The following ZNF800 variants were observed in gnomAD, a reference collection of about 807,000 sequenced individuals.
The protein encoded by ZNF800 is zinc finger protein 800.
Under a neutral mutation model 59.5 loss-of-function variants are expected in ZNF800, and 13 were observed. That is an observed-to-expected ratio of 0.22 (90% CI 0.14 to 0.35). The LOEUF (loss-of-function observed/expected upper bound fraction) is 0.35. Ranked by LOEUF, ZNF800 falls within the 10% of genes least tolerant of loss-of-function variation. The pLI, the probability that ZNF800 is intolerant of heterozygous loss-of-function variation, is 1.00. For missense variants in ZNF800, 621 were observed against 783.7 expected (o/e 0.79, Z 2.48); for synonymous variants, 266 against 265.7 (o/e 1.00, Z -0.01).
intron 1 of ZNF800, among the ~76,000 whole-genome samples, chr7:127,348,380 G>C (rs1280262582): frequency 6.7e-6 from 1 of 149,076 alleles, no homozygotes; most frequent in African/African-American, 2.5e-5. Flanking sequence ...TTCATACAGG[G>C]TGTTCAGTGC....
intron 3 of ZNF800, among the ~76,000 whole-genome samples, chr7:127,381,735 A>T (rs922152529): frequency 4.0e-5 from 6 of 151,874 alleles, no homozygotes; most frequent in African/African-American, 1.5e-4. Flanking sequence ...TTTTCTTATA[A>T]AAAAAAGTCC....
At chr7:127,373,315 A>G (rs756812736) in intron 5 of ZNF800, 27 bp downstream of exon 5, 2 of 1,538,740 alleles carry the variant, frequency 1.3e-6, no homozygotes, top group East Asian at 2.3e-5. Context: ...GGGGGAAAAA[A>G]GCAAAACTCT....
chr7:127,368,308 T>C (rs1042733686), downstream of ZNF800, among the ~76,000 whole-genome samples: 6 of 152,148 alleles, frequency 3.9e-5, no homozygotes, highest in South Asian at 2.1e-4. Flanking sequence ...AGAACAGCTA[T>C]TCCTGAAATT....
intron 1 of ZNF800, among the ~76,000 whole-genome samples, chr7:127,356,782 T>G (rs1562896614): frequency 6.6e-6 from 1 of 151,810 alleles, no homozygotes; most frequent in Admixed American, 6.6e-5. Context: ...TGTGTGTGTG[T>G]TTTTTTTACT....
intron 1 of ZNF800, among the ~76,000 whole-genome samples, chr7:127,357,167 C>T (rs537873093): frequency 6.6e-6 from 1 of 151,928 alleles, no homozygotes; most frequent in African/African-American, 2.4e-5. Context: ...TTTAAGGAGA[C>T]ACAAATTTCC....
At chr7:127,356,020 G>A (rs1360992673) in intron 1 of ZNF800, among the ~76,000 whole-genome samples, 1 of 151,966 alleles carries the variant, frequency 6.6e-6, no homozygotes. Flanking sequence ...ATCAAGAGGT[G>A]CCAGTTTTAC....
intron 2 of ZNF800, among the ~76,000 whole-genome samples, chr7:127,390,658 T>C (rs1051618146): frequency 6.6e-6 from 1 of 152,174 alleles, no homozygotes; most frequent in African/African-American, 2.4e-5. Flanking sequence ...TCAAAAATAA[T>C]GATAAACATC....
Position 127,374,306 on chromosome 7 carries a change from G to A in ZNF800, c.1030C>T (p.Arg344Ter). 1 of 1,613,092 alleles carries A rather than the reference G, an allele frequency of 6.2e-7. No homozygotes were observed. The highest frequency in any genetic ancestry group is 8.5e-7 in the Non-Finnish European group (1 of 1,179,766). ...GCCTTTGAAGAAGACTTTTGTTTTC[G>A]AGTCTTAAAAGATTTTTTAGGAGAA... ...SISPKKSFKT[R>*]KQKSSSKAEY... is the part of the protein sequence containing the mutation. The change falls in exon 5 of 6, where the codon CGA becomes TGA. Residue 344 changes from arginine to a stop codon, truncating the protein, a stop_gained. Coordinates refer to ENST00000265827, the MANE Select transcript of ZNF800 (RefSeq NM_176814.5). LOFTEE classifies it high-confidence loss of function.
chr7:127,342,939 AAGT>A (rs553703087), downstream of ZNF800, among the ~76,000 whole-genome samples: 4 of 152,262 alleles, frequency 2.6e-5, no homozygotes, highest in African/African-American at 9.6e-5. Flanking sequence ...ATTAAAAAGA[AAGT>A]AGGATTAACA....
At position 127,377,629 on chromosome 7, in the gene ZNF800, A is replaced by G. The variant is rs1239939552; in HGVS notation, c.158-300T>C. On this transcript the variant is annotated intron_variant, in intron 3 of 5. Transcript: ENST00000265827. This position sits in a 1 kb window ranked among gnomAD's most constrained non-coding sequence, Gnocchi z 4.7. ...TTCCGACATGAGGTTAATCATTACA[A>G]TGAGCTGGGAATAAAGATGTACACA... 1.3e-5 allele frequency among the ~76,000 whole-genome samples: 2 copies of G among 151,998 alleles called. No homozygotes were observed. The highest frequency in any genetic ancestry group is 4.8e-5 in the African/African-American group (2 of 41,412).
intron 3 of ZNF800, among the ~76,000 whole-genome samples, chr7:127,383,225 G>A (rs1483320473): frequency 6.6e-6 from 1 of 152,148 alleles, no homozygotes; most frequent in South Asian, 2.1e-4. Context: ...ATTAATACCT[G>A]GTCATAGACA....
At chr7:127,383,617 T>G (rs1801038688) in intron 3 of ZNF800, among the ~76,000 whole-genome samples, 1 of 152,156 alleles carries the variant, frequency 6.6e-6, no homozygotes, top group Non-Finnish European at 1.5e-5. Context: ...CTCCCAAGGT[T>G]TTAGTCAGTC....
At chr7:127,363,245 T>C (rs906315570) in intron 1 of ZNF800, 2 of 151,986 alleles carry the variant, frequency 1.3e-5, no homozygotes, top group African/African-American at 4.8e-5. Context: ...GGTCTTATAA[T>C]AAGGAGAACA....
chr7:127,379,465 AC>A (rs1800890103), intron 3 of ZNF800, among the ~76,000 whole-genome samples: 2 of 152,326 alleles, frequency 1.3e-5, no homozygotes, highest in African/African-American at 4.8e-5. Flanking sequence ...GAAGAGGAAC[AC>A]CAAAATAATG....
intron 1 of ZNF800, among the ~76,000 whole-genome samples, chr7:127,354,728 A>C (rs17869260): frequency 0.031 from 4,642 of 152,166 alleles, 213 homozygotes; most frequent in African/African-American, 0.099. Flanking sequence ...TCTTTAAGAG[A>C]TAGCTGGCTT....
At position 127,371,653 on chromosome 7, in the gene ZNF800, T is replaced by A; in HGVS notation, c.*161A>T. 1.9e-6 allele frequency: 1 copy of A among 519,958 alleles called. No individual in the cohort carries two copies. The highest frequency in any genetic ancestry group is 3.5e-6 in the Non-Finnish European group (1 of 288,652). 32.2% of individuals were successfully genotyped at this position (519,958 alleles called of 1,614,324 possible). Reference sequence around the variant, plus strand: ...GCCTTAGAAACAAGTGGTTAGATGGTTATTTTAGTCAGAAAACAGCAGTTA... The same window carrying A: ...GCCTTAGAAACAAGTGGTTAGATGGATATTTTAGTCAGAAAACAGCAGTTA... On this transcript the variant is annotated 3_prime_UTR_variant, in exon 6 of 6. Transcript: ENST00000265827.
At position 127,373,728 on chromosome 7, in the gene ZNF800, T is replaced by C. The variant is rs759406657; in HGVS notation, c.1608A>G (p.Arg536=). 4 of 1,614,076 alleles carry C rather than the reference T, an allele frequency of 2.5e-6. No individual in the cohort carries two copies. The highest frequency in any genetic ancestry group is 1.3e-5 in the African/African-American group (1 of 74,948). Residue 536 remains arginine (R), a synonymous_variant, in exon 5 of 6, where the codon CGA becomes CGG. Coordinates refer to ENST00000265827, the MANE Select transcript of ZNF800 (RefSeq NM_176814.5). ...YETRRKRDVI[R]HITVVHKKSS... ...ACTTTTTATGAACCACAGTTATATGTCGTATCACATCACGTTTCCGACGAG... is the reference window on the plus strand; with the variant it reads ...ACTTTTTATGAACCACAGTTATATGCCGTATCACATCACGTTTCCGACGAG...
At position 127,370,582 on chromosome 7, in the gene ZNF800, GTA is replaced by G. The variant is rs1258735486; in HGVS notation, c.*1230_*1231del. On this transcript the variant is annotated 3_prime_UTR_variant, in exon 6 of 6. Coordinates refer to ENST00000265827, the MANE Select transcript of ZNF800 (RefSeq NM_176814.5). ...AACATTTTAAAATTTTATACAAAAAGTATATAGATGGACAGGGTCCCTCCTAA... is the reference window on the plus strand; with the variant it reads ...AACATTTTAAAATTTTATACAAAAAGTATAGATGGACAGGGTCCCTCCTAA... The G allele has an allele frequency of 6.6e-6, 1 of 152,454 alleles. No individual in the cohort carries two copies. The highest frequency in any genetic ancestry group is 1.5e-5 in the Non-Finnish European group (1 of 67,966). The allele number at this position is 152,454 out of a possible 1,614,324, so 9.4% of individuals were successfully genotyped here.
intron 2 of ZNF800, among the ~76,000 whole-genome samples, chr7:127,386,588 T>C (rs1456537818): frequency 6.6e-6 from 1 of 152,258 alleles, no homozygotes; most frequent in Admixed American, 6.5e-5. Flanking sequence ...GGTATAACTC[T>C]GGATATTTAT....
Sources: allele counts gnomAD v4.1 joint callset (sites outside exome capture counted in the v4.1 genomes callset), GRCh38; gene constraint gnomAD v4.1.1; non-coding constraint Gnocchi (gnomAD v3.1); transcripts MANE v1.5; gene names NCBI Gene and HGNC (gene_info 2026-07-23, HGNC 2026-07-21).